The following SCHIP1 variants were observed in gnomAD, a reference collection of about 807,000 sequenced individuals.
SCHIP1 encodes the protein schwannomin-interacting protein 1.
A neutral mutation model predicts 29.7 loss-of-function variants in SCHIP1; 8 were observed. The observed-to-expected ratio is 0.27, with a 90% CI of 0.16 to 0.49. SCHIP1 has a LOEUF of 0.49. Among genes scored for constraint, SCHIP1 ranks in the 20% least tolerant of loss-of-function variants. SCHIP1 has a pLI of 0.99. For synonymous variants in SCHIP1, 76 were observed against 94.9 expected, an observed-to-expected ratio of 0.80 and a Z score of 1.16; for missense variants, 193 against 294.6, an observed-to-expected ratio of 0.66 and a Z score of 2.52.
At chr3:159,481,600 A>G in the SCHIP1 span, among the ~76,000 whole-genome samples, 1 of 152,126 alleles carries the variant, frequency 6.6e-6, no homozygotes, top group African/African-American at 2.4e-5. Flanking sequence ...CTGATCACCA[A>G]CCCATTTTTC....
chr3:159,516,798 G>T, the SCHIP1 span, among the ~76,000 whole-genome samples: 4 of 151,914 alleles, frequency 2.6e-5, no homozygotes, highest in African/African-American at 9.7e-5. Flanking sequence ...ATTCATTCCA[G>T]CCTGAGCTTC....
At chr3:159,675,599 T>G in the SCHIP1 span, among the ~76,000 whole-genome samples, 2 of 152,322 alleles carry the variant, frequency 1.3e-5, no homozygotes, top group South Asian at 4.1e-4. Flanking sequence ...ACAAAGTGTT[T>G]AGAGAGAATT....
the SCHIP1 span, among the ~76,000 whole-genome samples, chr3:159,457,872 A>C: frequency 6.6e-6 from 1 of 152,172 alleles, no homozygotes; most frequent in South Asian, 2.1e-4. Flanking sequence ...TGTGCCCCCC[A>C]AAATATCTTA....
chr3:159,837,521 G>A (rs898602293), upstream of SCHIP1, among the ~76,000 whole-genome samples: 10 of 152,220 alleles, frequency 6.6e-5, no homozygotes, highest in East Asian at 1.2e-3. Flanking sequence ...TCAGGAGTTC[G>A]AGACCAGCCT....
the SCHIP1 span, among the ~76,000 whole-genome samples, chr3:159,288,841 T>C: frequency 1.7e-4 from 26 of 152,324 alleles, no homozygotes; most frequent in African/African-American, 5.5e-4. Context: ...GGTCTGATTG[T>C]GGTGAGGGTA....
chr3:159,838,457 G>A (rs1743884002), upstream of SCHIP1, among the ~76,000 whole-genome samples: 1 of 152,028 alleles, frequency 6.6e-6, no homozygotes, highest in Non-Finnish European at 1.5e-5. Context: ...TTTTTGAGAC[G>A]GCTACATAAA....
At chr3:159,673,224 A>G in the SCHIP1 span, among the ~76,000 whole-genome samples, 1 of 152,170 alleles carries the variant, frequency 6.6e-6, no homozygotes, top group Non-Finnish European at 1.5e-5. Context: ...TAATTAAGCT[A>G]ATACCTTCAC....
chr3:159,626,073 T>C, the SCHIP1 span, among the ~76,000 whole-genome samples: 142 of 146,076 alleles, frequency 9.7e-4, no homozygotes, highest in Middle Eastern at 0.018. Context: ...GCTTCCCCAC[T>C]CTAGAGTGCA....
At chr3:159,676,896 A>G in the SCHIP1 span, among the ~76,000 whole-genome samples, 1 of 152,222 alleles carries the variant, frequency 6.6e-6, no homozygotes, top group African/African-American at 2.4e-5. Flanking sequence ...AATCCACATT[A>G]TGGAGTGAAA....
At chr3:159,718,405 T>G in the SCHIP1 span, among the ~76,000 whole-genome samples, 3 of 152,034 alleles carry the variant, frequency 2.0e-5, no homozygotes, top group African/African-American at 7.2e-5. Context: ...AAGAAAGAAA[T>G]AAAGGGTATT....
the SCHIP1 span, among the ~76,000 whole-genome samples, chr3:159,820,624 G>A: frequency 6.6e-6 from 1 of 152,194 alleles, no homozygotes; most frequent in African/African-American, 2.4e-5. Flanking sequence ...AAAGAAGATT[G>A]TGGGTGCAAG....
the SCHIP1 span, among the ~76,000 whole-genome samples, chr3:159,292,058 G>A: frequency 2.0e-5 from 3 of 152,010 alleles, no homozygotes; most frequent in African/African-American, 4.8e-5. Flanking sequence ...CCTTTTCTTA[G>A]TTGTATTGAT....
chr3:159,536,823 A>G, the SCHIP1 span, among the ~76,000 whole-genome samples: 109 of 152,338 alleles, frequency 7.2e-4, no homozygotes, highest in African/African-American at 2.6e-3. Context: ...TAAGTAAATT[A>G]TATCAAAAAC....
chr3:159,393,466 A>G, the SCHIP1 span, among the ~76,000 whole-genome samples: 1 of 152,060 alleles, frequency 6.6e-6, no homozygotes, highest in African/African-American at 2.4e-5. Flanking sequence ...GTAAGTCTTT[A>G]ATCCATCTTG....
At chr3:159,673,278 G>A in the SCHIP1 span, among the ~76,000 whole-genome samples, 5 of 152,330 alleles carry the variant, frequency 3.3e-5, no homozygotes, top group East Asian at 7.7e-4. Context: ...CAGCTGTGCA[G>A]AGCCTGGTGA....
At chr3:159,306,938 T>A in the SCHIP1 span, among the ~76,000 whole-genome samples, 34 of 152,268 alleles carry the variant, frequency 2.2e-4, no homozygotes, top group South Asian at 6.2e-4. Context: ...TATGTTTATA[T>A]CCCTTGACAA....
At chr3:159,499,864 G>A in the SCHIP1 span, among the ~76,000 whole-genome samples, 1 of 152,192 alleles carries the variant, frequency 6.6e-6, no homozygotes, top group South Asian at 2.1e-4. Flanking sequence ...AAGCTAAAGA[G>A]CTTAGGTTTA....
chr3:159,756,760 T>G, the SCHIP1 span, among the ~76,000 whole-genome samples: 1 of 152,238 alleles, frequency 6.6e-6, no homozygotes, highest in African/African-American at 2.4e-5. Flanking sequence ...TTGGAATGCT[T>G]GGTTGCTTAA....
the SCHIP1 span, among the ~76,000 whole-genome samples, chr3:159,514,095 G>T: frequency 6.6e-6 from 1 of 152,176 alleles, no homozygotes; most frequent in Non-Finnish European, 1.5e-5. Context: ...CATCTGGAAA[G>T]CAGCCCTTTT....
Sources: gnomAD v4.1 joint callset for allele counts (sites outside exome capture counted in the v4.1 genomes callset) on GRCh38, gnomAD v4.1.1 for gene constraint, MANE v1.5 for transcripts, NCBI Gene and HGNC (gene_info 2026-07-23, HGNC 2026-07-21) for gene names.